TBC1D5: variants seen among roughly 807,000 people sequenced by gnomAD.
TBC1D5 encodes TBC1 domain family member 5, also known as TBC1 domain family, member 5.
Under a neutral mutation model 100.3 loss-of-function variants are expected in TBC1D5, and 75 were observed. The ratio of observed to expected loss-of-function variants is 0.75; its 90% confidence interval spans 0.62 to 0.91. The LOEUF is 0.91. Among genes scored for constraint, TBC1D5 ranks in the 40% least tolerant of loss-of-function variants. TBC1D5 has a pLI of 0.00. For synonymous variants in TBC1D5, 323 were observed against 325.6 expected (o/e 0.99, Z 0.09); for missense variants, 910 against 942.4 (o/e 0.97, Z 0.45).
intron 13 of TBC1D5, among the ~76,000 whole-genome samples, chr3:17,340,431 G>C (rs1314396725): frequency 1.3e-5 from 2 of 152,196 alleles, no homozygotes; most frequent in Non-Finnish European, 2.9e-5. Flanking sequence ...CAGGCAGGGA[G>C]GTGGCAACAG....
chr3:17,177,763 A>C (rs1335662994), intron 19 of TBC1D5, among the ~76,000 whole-genome samples: 1 of 152,036 alleles, frequency 6.6e-6, no homozygotes, highest in Non-Finnish European at 1.5e-5. Context: ...AAATTTTTGC[A>C]AGTACTTAGT....
intron 2 of TBC1D5, among the ~76,000 whole-genome samples, chr3:17,571,152 C>T (rs956328490): frequency 6.6e-6 from 1 of 151,854 alleles, no homozygotes; most frequent in Non-Finnish European, 1.5e-5. Context: ...TTTGCATTCC[C>T]TTACAATGAA....
chr3:17,277,314 T>TGAACTG (rs373801323), intron 15 of TBC1D5, among the ~76,000 whole-genome samples: 42 of 152,342 alleles, frequency 2.8e-4, no homozygotes, highest in African/African-American at 9.1e-4. Flanking sequence ...TCTAATCCTT[T>TGAACTG]GAACTGGCTC....
chr3:17,160,828 G>A (rs1456575014), exon 22 of TBC1D5: 6 of 1,179,938 alleles, frequency 5.1e-6, no homozygotes, highest in Non-Finnish European at 7.0e-6. Flanking sequence ...GGTTTCAAAG[G>A]GCTGGACCAA....
At chr3:17,493,732 T>C (rs2095667323) in intron 3 of TBC1D5, among the ~76,000 whole-genome samples, 2 of 152,252 alleles carry the variant, frequency 1.3e-5, no homozygotes, top group Non-Finnish European at 1.5e-5. Flanking sequence ...CTGATATTTG[T>C]GTATGCTTCC....
upstream of TBC1D5, among the ~76,000 whole-genome samples, chr3:17,741,352 C>T (rs971138745): frequency 6.6e-6 from 1 of 152,202 alleles, no homozygotes; most frequent in Non-Finnish European, 1.5e-5. Context: ...TACCAAGACA[C>T]GGAATCAGAA....
chr3:17,665,967 A>G (rs1453157602), intron 1 of TBC1D5, among the ~76,000 whole-genome samples: 2 of 152,184 alleles, frequency 1.3e-5, no homozygotes, highest in Non-Finnish European at 2.9e-5. Flanking sequence ...GTTTCCAAAA[A>G]GCTTATCCAA....
intron 15 of TBC1D5, among the ~76,000 whole-genome samples, chr3:17,271,885 G>A (rs569780267): frequency 6.6e-6 from 1 of 152,162 alleles, no homozygotes; most frequent in South Asian, 2.1e-4. Context: ...TTTTAATTCA[G>A]TTTATGTGGT....
intron 2 of TBC1D5, among the ~76,000 whole-genome samples, chr3:17,547,775 GT>G (rs1460048413): frequency 1.3e-5 from 2 of 152,266 alleles, no homozygotes; most frequent in East Asian, 1.9e-4. Flanking sequence ...CATGAGGATA[GT>G]TGATTTCATG....
At chr3:17,494,911 G>A (rs774787779) in intron 3 of TBC1D5, among the ~76,000 whole-genome samples, 15 of 152,206 alleles carry the variant, frequency 9.9e-5, no homozygotes, top group Non-Finnish European at 2.1e-4. Context: ...ATGGGCTCAT[G>A]AGGGGATACC....
chr3:17,187,365 G>A (rs1261002416), intron 18 of TBC1D5, among the ~76,000 whole-genome samples: 1 of 152,158 alleles, frequency 6.6e-6, no homozygotes, highest in Non-Finnish European at 1.5e-5. Flanking sequence ...AGAAGTTTAG[G>A]CTACAATATT....
In TBC1D5 at chr3:17,214,248, G is replaced by A. The variant is rs761848263; in HGVS notation, c.1711C>T (p.Arg571Cys). The A allele has an allele frequency of 7.4e-6, 12 of 1,613,410 alleles. 1 individual carries two copies. Among genetic ancestry groups the A allele is most frequent in the Non-Finnish European group, 1.0e-5 (12 of 1,179,670 alleles). ...ATAGTTTTGCTGTGTGAGCGAGAAC[G>A]TGAGATGTTGCTAAAAAAGGAATCT... is the stretch of plus-strand genomic sequence containing the variant. Residue 571 changes from arginine to cysteine, a missense_variant, in exon 18 of 22, where the codon CGT (arginine) becomes TGT (cysteine). Transcript: ENST00000253692.
chr3:17,449,522 G>A (rs1028817513), intron 3 of TBC1D5, among the ~76,000 whole-genome samples: 3 of 152,292 alleles, frequency 2.0e-5, no homozygotes, highest in South Asian at 2.1e-4. Flanking sequence ...ATCTGAAGTC[G>A]ACCTGGGATA....
chr3:17,613,724 G>C (rs748721962), intron 2 of TBC1D5, among the ~76,000 whole-genome samples: 6 of 152,028 alleles, frequency 3.9e-5, no homozygotes, highest in Admixed American at 6.5e-5. Context: ...CCCACTTTTT[G>C]ATTTGGTTGT....
At chr3:17,390,162 C>G (rs1199018938) in intron 8 of TBC1D5, among the ~76,000 whole-genome samples, 1 of 152,040 alleles carries the variant, frequency 6.6e-6, no homozygotes, top group African/African-American at 2.4e-5. Context: ...GATATGGTCT[C>G]ATATGACTGC....
At position 17,428,395 on chromosome 3, in the gene TBC1D5, A is replaced by ATGTG. The variant is rs35081140; in HGVS notation, c.167+51_167+54dup. The ATGTG allele has an allele frequency of 1.6e-5, 5 of 303,936 alleles. No individual in the cohort carries two copies. In the Admixed American group the frequency reaches 1.7e-4, roughly 10 times the overall value. 18.8% of individuals were successfully genotyped at this position (303,936 alleles called of 1,614,324 possible). A position where few individuals can be genotyped will look rare whatever the true frequency, so the allele number is the denominator to read the frequency against. On this transcript the variant is annotated intron_variant, in intron 4 of 21. Transcript: ENST00000253692. Reference sequence around the variant, plus strand: ...CTTATACATTATCTTATAATATTATATGTGTGTGTGTGTGTGTATATATAT... The same window carrying ATGTG: ...CTTATACATTATCTTATAATATTATATGTGTGTGTGTGTGTGTGTGTATATATAT...
chr3:17,294,230 T>C (rs1313356276), intron 14 of TBC1D5, among the ~76,000 whole-genome samples: 1 of 152,178 alleles, frequency 6.6e-6, no homozygotes, highest in Non-Finnish European at 1.5e-5. Flanking sequence ...ATTTACTATG[T>C]GTTTTCAGAG....
At chr3:17,498,201 A>AT (rs2095739501) in intron 3 of TBC1D5, among the ~76,000 whole-genome samples, 1 of 152,130 alleles carries the variant, frequency 6.6e-6, no homozygotes, top group Non-Finnish European at 1.5e-5. Context: ...TATATACTTC[A>AT]TATGAGATTC....
At chr3:17,207,634 T>C (rs146029324) in intron 18 of TBC1D5, among the ~76,000 whole-genome samples, 169 of 152,324 alleles carry the variant, frequency 1.1e-3, no homozygotes, top group African/African-American at 3.8e-3. Context: ...CCTTTTTATC[T>C]AAAGAAGATA....
Sources: gnomAD v4.1 joint callset for allele counts (sites outside exome capture counted in the v4.1 genomes callset) on GRCh38, gnomAD v4.1.1 for gene constraint, MANE v1.5 for transcripts, NCBI Gene and HGNC (gene_info 2026-07-23, HGNC 2026-07-21) for gene names.